SET: variants seen among roughly 807,000 people sequenced by gnomAD.
SET encodes SET nuclear proto-oncogene.
SET carries 4 observed loss-of-function variants against 39.0 expected under a neutral mutation model. The ratio of observed to expected loss-of-function variants is 0.10; its 90% CI spans 0.05 to 0.23. The LOEUF is 0.23. Among genes scored for constraint, SET ranks in the 10% least tolerant of loss-of-function variants. The pLI is 1.00. For missense variants in SET, 137 were observed against 329.7 expected (o/e 0.42, Z 4.53); for synonymous variants, 114 against 115.9 (o/e 0.98, Z 0.11).
At chr9:128,685,504 G>A (rs922748310), upstream of SET, among the ~76,000 whole-genome samples, 11 of 152,334 alleles carry the variant, frequency 7.2e-5, no homozygotes, top group South Asian at 4.1e-4. Context: ...GGCACTGATG[G>A]CATGCCAGAA....
rs1861523333 is a variant in SET at position 128,691,239 on chromosome 9, C to G, written c.131+12C>G. 3.2e-6 allele frequency: 5 copies of G among 1,552,186 alleles called. No homozygotes were observed. The highest frequency in any genetic ancestry group is 1.4e-5 in the African/African-American group (1 of 73,272). On this transcript the variant is annotated intron_variant, in intron 2 of 7. Transcript: ENST00000322030. ...AATGAAATAGACAGGTAACATTTTT[C>G]TTAATATACTTCGGAGAAATTTTCT... is the stretch of plus-strand genomic sequence containing the variant.
rs1475095075 is a variant in SET at position 128,695,854 on chromosome 9, T to C, written c.*1190T>C. On this transcript the variant is annotated 3_prime_UTR_variant, in exon 8 of 8. Coordinates refer to ENST00000322030, the MANE Select transcript of SET (RefSeq NM_003011.4). ...CAAGTGGCAGTTTTTAAAATTGGCC[T>C]TTTACCTGGATATAAATTAATTGTG... is the stretch of plus-strand genomic sequence containing the variant. 8.8e-6 allele frequency: 2 copies of C among 227,882 alleles called. No homozygotes were observed. The highest frequency in any genetic ancestry group is 1.8e-5 in the Non-Finnish European group (2 of 114,168). The allele number at this position is 227,882 out of a possible 1,614,324, so 14.1% of individuals were successfully genotyped here.
chr9:128,688,994 T>C (rs1015554774), upstream of SET, among the ~76,000 whole-genome samples: 2 of 151,238 alleles, frequency 1.3e-5, no homozygotes, highest in South Asian at 2.1e-4. Flanking sequence ...CGCGCGCCAG[T>C]GTCCTGGGTC....
chr9:128,683,504 T>C (rs375472208), upstream of SET: 2 of 237,868 alleles, frequency 8.4e-6, no homozygotes, highest in African/African-American at 4.4e-5. Context: ...AAAAAGAGGA[T>C]AAGTTCTCAG....
At position 128,689,371 on chromosome 9, in the gene SET, G is replaced by C; in HGVS notation, c.-212G>C. On this transcript the variant is annotated 5_prime_UTR_variant, in exon 1 of 8. Coordinates refer to ENST00000322030, the MANE Select transcript of SET (RefSeq NM_003011.4). ...CGAACAGGAGCCCGGGCCGGGGCCC[G>C]GCACGCCGCCCCAGCCCGTCCCTCG... 9.9e-7 allele frequency: 1 copy of C among 1,007,834 alleles called. No homozygotes were observed. Among genetic ancestry groups the C allele is most frequent in the African/African-American group, 1.7e-5 (1 of 57,860 alleles). The allele number at this position is 1,007,834 out of a possible 1,614,324, so 62.4% of individuals were successfully genotyped here.
At chr9:128,689,217 C>T, upstream of SET, 4 of 993,508 alleles carry the variant, frequency 4.0e-6, no homozygotes, top group Non-Finnish European at 4.8e-6. Flanking sequence ...GCGCCCTGCG[C>T]CCGCCCCTCG....
chr9:128,685,582 C>T (rs1209976938), upstream of SET, among the ~76,000 whole-genome samples: 2 of 152,200 alleles, frequency 1.3e-5, no homozygotes, highest in Non-Finnish European at 2.9e-5. Context: ...CAGATCAGAA[C>T]AGGAGGCTCA....
exon 1 of SET, chr9:128,683,823 C>A: frequency 7.8e-7 from 1 of 1,290,082 alleles, no homozygotes; most frequent in Non-Finnish European, 1.1e-6. Context: ...GCACCTGGGG[C>A]AGTCTCAGTG....
Position 128,693,916 on chromosome 9 carries a change from A to T in SET, c.684A>T (p.Glu228Asp), listed in dbSNP as rs142411393. The change falls in exon 7 of 8, where the codon GAA (glutamate) becomes GAT (aspartate). Residue 228 changes from glutamate (E) to aspartate (D), a missense_variant. By Grantham distance (45) the Glu-to-Asp change is conservative (BLOSUM62 2). Coordinates refer to ENST00000322030, the MANE Select transcript of SET (RefSeq NM_003011.4). ...QYYLVPDMDD[E>D]EGEGEEDDDD... is the part of the protein sequence containing the mutation. ...TTAAGGTTCCCGATATGGATGATGA[A>T]GAAGGAGAAGGAGAAGAAGATGATG... 127 of 1,583,564 alleles carry T rather than the reference A, an allele frequency of 8.0e-5. 1 individual carries two copies. The East Asian group carries it at 1.0e-3, about 13-fold the overall frequency.
chr9:128,691,364 A>C (rs934784281), intron 2 of SET, 137 bp downstream of exon 2: 3 of 643,488 alleles, frequency 4.7e-6, no homozygotes, highest in Non-Finnish European at 8.2e-6. Context: ...ACTTATGTAG[A>C]TTCAGTGTTT....
upstream of SET, among the ~76,000 whole-genome samples, chr9:128,687,616 C>T (rs1589451896): frequency 4.4e-5 from 1 of 22,784 alleles, no homozygotes. Flanking sequence ...CCCTCCCCCA[C>T]CAAAAAAAAA....
upstream of SET, among the ~76,000 whole-genome samples, chr9:128,685,953 G>A (rs1438069508): frequency 1.3e-5 from 2 of 152,084 alleles, no homozygotes; most frequent in African/African-American, 2.4e-5. Context: ...CTTGAACTCC[G>A]GAGGCGGAGG....
chr9:128,690,979 A>T (rs1861511729), intron 1 of SET, 191 bp from the exon 2 acceptor site: 1 of 654,908 alleles, frequency 1.5e-6, no homozygotes, highest in African/African-American at 1.8e-5. Flanking sequence ...AGCAGACAGC[A>T]TGACTTGTAA....
At chr9:128,689,815 G>C (rs1474233850) in intron 1 of SET, among the ~76,000 whole-genome samples, 160 bp downstream of exon 1, 26 of 144,690 alleles carry the variant, frequency 1.8e-4, no homozygotes, top group African/African-American at 5.9e-4. Context: ...CCTTTTTTGT[G>C]CGCGGCTGGG....
rs528240498 is a variant in SET, at chr9:128,694,121, T to C, written c.810+79T>C. On this transcript the variant is annotated intron_variant, in intron 7 of 7. Transcript: ENST00000322030. ...ATTTTGGGGTGTATATATATATATATAGTGTGGTAGAACTGACCAGAACTG... is the reference window on the plus strand; with the variant it reads ...ATTTTGGGGTGTATATATATATATACAGTGTGGTAGAACTGACCAGAACTG... 2.0e-5 allele frequency: 25 copies of C among 1,264,684 alleles called. No homozygotes were observed. The East Asian group carries it at 6.1e-4, about 31-fold the overall frequency. The allele number at this position is 1,264,684 out of a possible 1,614,324, so 78.3% of individuals were successfully genotyped here.
chr9:128,694,692 C>T lies in SET; in HGVS notation c.*28C>T. 3.6e-6 allele frequency: 5 copies of T among 1,393,658 alleles called. No homozygotes were observed. Among genetic ancestry groups the T allele is most frequent in the Middle Eastern group, 2.4e-4 (1 of 4,180 alleles). The allele number at this position is 1,393,658 out of a possible 1,614,324, so 86.3% of individuals were successfully genotyped here. ...AGAACACTGATGGATTCCAACCTTC[C>T]TTTTTTTAAATTTTCTCCAGTCCCT... On this transcript the variant is annotated 3_prime_UTR_variant, in exon 8 of 8. Coordinates refer to ENST00000322030, the MANE Select transcript of SET (RefSeq NM_003011.4).
chr9:128,684,126 A>T (rs752137986), intron 1 of SET: 8 of 761,000 alleles, frequency 1.1e-5, no homozygotes, highest in Non-Finnish European at 1.5e-5. Context: ...AAGGGTTTTA[A>T]ACCTGGGATG....
At chr9:128,683,516 AG>A (rs1052931524), upstream of SET, 1 of 243,282 alleles carries the variant, frequency 4.1e-6, no homozygotes, top group Non-Finnish European at 8.0e-6. Flanking sequence ...AGTTCTCAGT[AG>A]GGGCAGGCCT....
At chr9:128,686,484 G>A (rs148650722), upstream of SET, among the ~76,000 whole-genome samples, 1 of 152,318 alleles carries the variant, frequency 6.6e-6, no homozygotes, top group Non-Finnish European at 1.5e-5. Context: ...AGGCTTTGAG[G>A]ATGGAAGCAG....
Sources: gnomAD v4.1 joint callset for allele counts (sites outside exome capture counted in the v4.1 genomes callset) on GRCh38, gnomAD v4.1.1 for gene constraint, MANE v1.5 for transcripts, NCBI Gene and HGNC (gene_info 2026-07-23, HGNC 2026-07-21) for gene names.